Variants in KCNMA1 observed in about 807,000 individuals in gnomAD.
KCNMA1 encodes the protein Calcium-activated potassium channel subunit alpha-1.
Under a neutral mutation model 140.0 loss-of-function variants are expected in KCNMA1, and 29 were observed. That is an observed-to-expected ratio of 0.21 (90% CI 0.15 to 0.28). The LOEUF is 0.28. Among genes scored for constraint, KCNMA1 ranks in the 10% least tolerant of loss-of-function variants. The pLI is 1.00. For missense variants in KCNMA1, 880 were observed against 1,602.2 expected, an observed-to-expected ratio of 0.55 and a Z score of 7.70; for synonymous variants, 612 against 611.9, an observed-to-expected ratio of 1.00 and a Z score of 0.00.
chr10:77,466,915 GA>G (rs2098032085), intron 1 of KCNMA1, among the ~76,000 whole-genome samples: 1 of 89,948 alleles, frequency 1.1e-5, no homozygotes, highest in Non-Finnish European at 2.1e-5. Flanking sequence ...CTGAAAGAAA[GA>G]AAAAAGGGAG....
At chr10:77,331,051 C>G (rs576947970) in intron 2 of KCNMA1, among the ~76,000 whole-genome samples, 1 of 152,228 alleles carries the variant, frequency 6.6e-6, no homozygotes, top group East Asian at 1.9e-4. Flanking sequence ...ACTAAGGAGG[C>G]CATAAAACAC....
At chr10:76,880,533 C>T (rs144362548), downstream of KCNMA1, among the ~76,000 whole-genome samples, 101 of 152,264 alleles carry the variant, frequency 6.6e-4, no homozygotes, top group South Asian at 1.5e-3. Context: ...ATGCTCTGGG[C>T]GTTTTACTAA....
At chr10:77,364,567 T>C (rs979547523) in intron 2 of KCNMA1, among the ~76,000 whole-genome samples, 3 of 152,216 alleles carry the variant, frequency 2.0e-5, no homozygotes, top group Non-Finnish European at 4.4e-5. Flanking sequence ...TCACCATTTT[T>C]AAATGAGTGA....
At chr10:77,581,362 G>A (rs1336933007) in intron 1 of KCNMA1, among the ~76,000 whole-genome samples, 1 of 151,724 alleles carries the variant, frequency 6.6e-6, no homozygotes, top group Non-Finnish European at 1.5e-5. Context: ...CAGGCAGAGT[G>A]CAGTGGCGTG....
At chr10:76,899,022 A>T (rs1356485379) in intron 25 of KCNMA1, among the ~76,000 whole-genome samples, 1 of 152,098 alleles carries the variant, frequency 6.6e-6, no homozygotes, top group Non-Finnish European at 1.5e-5. Flanking sequence ...TCAGATACAT[A>T]GGAGAATTAA....
intron 3 of KCNMA1, among the ~76,000 whole-genome samples, chr10:77,239,428 G>A (rs896442935): frequency 7.9e-5 from 12 of 152,312 alleles, no homozygotes; most frequent in Middle Eastern, 3.4e-3. Flanking sequence ...AAATTACAAG[G>A]TGGCAGGTCT....
chr10:77,284,431 C>A (rs1020278490), intron 2 of KCNMA1, among the ~76,000 whole-genome samples: 1 of 152,140 alleles, frequency 6.6e-6, no homozygotes, highest in Non-Finnish European at 1.5e-5. Flanking sequence ...TGTAAAACAG[C>A]AGAACCAAAT....
intron 1 of KCNMA1, among the ~76,000 whole-genome samples, chr10:77,515,215 G>A (rs534422862): frequency 1.3e-5 from 2 of 152,134 alleles, no homozygotes; most frequent in African/African-American, 4.8e-5. Context: ...CGGGGGATGG[G>A]GGGGAAAGGA....
At chr10:77,485,646 G>A (rs1216739166) in intron 1 of KCNMA1, among the ~76,000 whole-genome samples, 2 of 152,196 alleles carry the variant, frequency 1.3e-5, no homozygotes, top group South Asian at 4.1e-4. Context: ...CCATAGAGAA[G>A]ACAGTGGCTG....
In KCNMA1 at chr10:77,637,777, G is replaced by T; in HGVS notation, c.-135C>A. 1.5e-6 allele frequency: 2 copies of T among 1,291,092 alleles called. No homozygotes were observed. Among genetic ancestry groups the T allele is most frequent in the South Asian group, 5.5e-5 (2 of 36,262 alleles). The allele number at this position is 1,291,092 out of a possible 1,614,324, so 80.0% of individuals were successfully genotyped here. On this transcript the variant is annotated 5_prime_UTR_variant, in exon 1 of 28. Transcript: ENST00000286628. Reference sequence around the variant, plus strand: ...CGCCGCCGCGGAGCGCGGGAGGGGGGCGGGGAGGCGCCTGGGCTCGGGGCG... The same window carrying T: ...CGCCGCCGCGGAGCGCGGGAGGGGGTCGGGGAGGCGCCTGGGCTCGGGGCG...
rs2059552595 is a variant in KCNMA1 at position 77,250,971 on chromosome 10, C to A, written c.602+224G>T. ...GTAATACCCAGCAAGAAGACTTGACCTCATATACCTCACCCTCCTATGCCA... is the reference window on the plus strand; with the variant it reads ...GTAATACCCAGCAAGAAGACTTGACATCATATACCTCACCCTCCTATGCCA... On this transcript the variant is annotated intron_variant, in intron 3 of 27. Coordinates refer to ENST00000286628, the MANE Select transcript of KCNMA1 (RefSeq NM_001161352.2). 1.3e-5 allele frequency: 7 copies of A among 557,888 alleles called. No homozygotes were observed. In the South Asian group the frequency reaches 1.5e-4, roughly 12 times the overall value. The allele number at this position is 557,888 out of a possible 1,614,324, so 34.6% of individuals were successfully genotyped here.
At chr10:77,085,640 C>T (rs748142969) in intron 11 of KCNMA1, among the ~76,000 whole-genome samples, 12 of 152,078 alleles carry the variant, frequency 7.9e-5, no homozygotes, top group Admixed American at 7.2e-4. Context: ...TAATATCCTC[C>T]GTGGTATGTC....
chr10:77,248,703 T>G (rs1370415975), intron 3 of KCNMA1, among the ~76,000 whole-genome samples: 1 of 152,204 alleles, frequency 6.6e-6, no homozygotes, highest in African/African-American at 2.4e-5. Flanking sequence ...GCATCTTATA[T>G]GTGGATAGAA....
At chr10:77,500,745 T>C (rs2043563300) in intron 1 of KCNMA1, among the ~76,000 whole-genome samples, 1 of 152,232 alleles carries the variant, frequency 6.6e-6, no homozygotes, top group South Asian at 2.1e-4. Context: ...TGAAGTACTA[T>C]TGCTCTCTCA....
intron 2 of KCNMA1, among the ~76,000 whole-genome samples, chr10:77,356,086 T>C (rs1255534681): frequency 6.6e-6 from 1 of 152,224 alleles, no homozygotes; most frequent in East Asian, 1.9e-4. Context: ...CATTCTTTTA[T>C]GTAACTATAA....
At position 77,352,650 on chromosome 10, in the gene KCNMA1, T is replaced by C. The variant is rs658038; in HGVS notation, c.540+51212A>G. Among the ~76,000 whole-genome samples, 114 of 137,066 alleles carry C rather than the reference T, an allele frequency of 8.3e-4. 1 individual carries two copies. The highest frequency in any genetic ancestry group is 2.8e-3 in the African/African-American group (107 of 38,228). 89.9% of individuals were successfully genotyped at this position (137,066 alleles called of 152,430 possible). On this transcript the variant is annotated intron_variant, in intron 2 of 27. Coordinates refer to ENST00000286628, the MANE Select transcript of KCNMA1 (RefSeq NM_001161352.2). ...TGTGTGTGTGTGTGTGTGTGTGTGT[T>C]TGTGTGTGTGTGTTAACAAAACAAA...
chr10:77,430,589 C>T (rs770206657), intron 1 of KCNMA1, among the ~76,000 whole-genome samples: 5 of 152,180 alleles, frequency 3.3e-5, no homozygotes, highest in African/African-American at 7.2e-5. Context: ...CTAGGAACAA[C>T]GCCTAGTGAA....
intron 9 of KCNMA1, among the ~76,000 whole-genome samples, chr10:77,097,711 A>T (rs750783011): frequency 1.3e-5 from 2 of 152,268 alleles, no homozygotes; most frequent in African/African-American, 2.4e-5. Flanking sequence ...AATTTTTTTA[A>T]AAAAAAGGAG....
At chr10:77,009,014 C>T (rs1441209044) in intron 18 of KCNMA1, among the ~76,000 whole-genome samples, 1 of 152,218 alleles carries the variant, frequency 6.6e-6, no homozygotes, top group Non-Finnish European at 1.5e-5. Flanking sequence ...ACACACACAT[C>T]TGCATCCTGC....
Sources: gnomAD v4.1 joint callset for allele counts (sites outside exome capture counted in the v4.1 genomes callset) on GRCh38, gnomAD v4.1.1 for gene constraint, MANE v1.5 for transcripts, NCBI Gene and HGNC (gene_info 2026-07-23, HGNC 2026-07-21) for gene names.